Variants in SNTG2 observed in about 807,000 individuals in gnomAD.
The protein encoded by SNTG2 is syntrophin gamma 2.
Under a neutral mutation model 70.9 loss-of-function variants are expected in SNTG2, and 74 were observed. The ratio of observed to expected loss-of-function variants is 1.04; its 90% confidence interval spans 0.86 to 1.27. The LOEUF (loss-of-function observed/expected upper bound fraction) is 1.27. Ranked by LOEUF, SNTG2 falls within the 50% of genes most tolerant of loss-of-function variation. The pLI is 0.00. For synonymous variants in SNTG2, 278 were observed against 273.8 expected, an observed-to-expected ratio of 1.02 and a Z score of -0.15; for missense variants, 717 against 690.7, an observed-to-expected ratio of 1.04 and a Z score of -0.43.
chr2:976,286 G>A (rs577179035), intron 1 of SNTG2, among the ~76,000 whole-genome samples: 1 of 152,246 alleles, frequency 6.6e-6, no homozygotes, highest in African/African-American at 2.4e-5. Context: ...GTGTTTGAGT[G>A]GTATTTTGAG....
chr2:1,092,324 G>A (rs916782109), intron 2 of SNTG2, among the ~76,000 whole-genome samples: 5 of 152,096 alleles, frequency 3.3e-5, no homozygotes. Context: ...ACAAGAGTGA[G>A]GCCAGGCCTG....
chr2:1,316,345 G>T lies in SNTG2; in HGVS notation c.1458G>T (p.Gln486His). The T allele has an allele frequency of 1.3e-6, 2 of 1,548,602 alleles. No homozygotes were observed. Among genetic ancestry groups the T allele is most frequent in the Non-Finnish European group, 1.7e-6 (2 of 1,144,468 alleles). ...DGKTRVKLLF[Q>H]NLDTKQIETK... ...AAACTCGAGTAAAGCTGCTGTTTCA[G>T]AATCTGGACACCAAACAGATTGAGA... is the stretch of plus-strand genomic sequence containing the variant. The change falls in exon 16 of 17, where the codon CAG becomes CAT. Residue 486 changes from glutamine to histidine, a missense_variant. Transcript: ENST00000308624.
At chr2:999,801 TA>T (rs1572207301) in intron 1 of SNTG2, among the ~76,000 whole-genome samples, 1 of 152,012 alleles carries the variant, frequency 6.6e-6, no homozygotes, top group African/African-American at 2.4e-5. Flanking sequence ...CATTGCATTC[TA>T]CTCAACAACT....
At chr2:1,262,169 A>G (rs1678449102) in intron 13 of SNTG2, among the ~76,000 whole-genome samples, 1 of 152,226 alleles carries the variant, frequency 6.6e-6, no homozygotes, top group Admixed American at 6.5e-5. Flanking sequence ...AGAGAGATTC[A>G]GAGATTCAAC....
intron 14 of SNTG2, among the ~76,000 whole-genome samples, chr2:1,296,368 C>T (rs1023157828): frequency 7.9e-5 from 12 of 152,212 alleles, no homozygotes; most frequent in Non-Finnish European, 1.8e-4. Flanking sequence ...TCCCATTTTT[C>T]AGATGACAGA....
intron 12 of SNTG2, among the ~76,000 whole-genome samples, chr2:1,255,011 G>GCCCCTCTTAGCAGAGGGTTT (rs1206284334): frequency 1.4e-4 from 21 of 152,160 alleles, no homozygotes; most frequent in African/African-American, 4.8e-4. Flanking sequence ...CGCTGCATGG[G>GCCCCTCTTAGCAGAGGGTTT]CCCCTCTTAG....
At chr2:1,168,200 G>A (rs1572629347) in intron 7 of SNTG2, among the ~76,000 whole-genome samples, 3 of 124,194 alleles carry the variant, frequency 2.4e-5, no homozygotes, top group Middle Eastern at 4.3e-3. Context: ...GCCCACAGAC[G>A]GCAGAACTGA....
intron 9 of SNTG2, among the ~76,000 whole-genome samples, chr2:1,233,463 G>T (rs975125227): frequency 1.3e-5 from 2 of 152,204 alleles, no homozygotes; most frequent in African/African-American, 4.8e-5. Context: ...CAGGAAGACC[G>T]CAGCGAAGGC....
chr2:1,147,492 A>G (rs768809275), intron 6 of SNTG2, among the ~76,000 whole-genome samples: 1 of 152,240 alleles, frequency 6.6e-6, no homozygotes, highest in Non-Finnish European at 1.5e-5. Flanking sequence ...GCCCTTGAAC[A>G]TCAGACTTCA....
chr2:1,135,678 C>T (rs577686508), intron 4 of SNTG2, among the ~76,000 whole-genome samples: 4 of 152,268 alleles, frequency 2.6e-5, no homozygotes, highest in African/African-American at 7.2e-5. Flanking sequence ...GCCAGGGTCG[C>T]GCCACTGCAC....
At chr2:957,872 C>T (rs1660220715) in intron 1 of SNTG2, among the ~76,000 whole-genome samples, 1 of 152,154 alleles carries the variant, frequency 6.6e-6, no homozygotes, top group African/African-American at 2.4e-5. Flanking sequence ...GATAAATGTG[C>T]ATTGTTTTAA....
intron 11 of SNTG2, among the ~76,000 whole-genome samples, chr2:1,246,905 A>G (rs1009206536): frequency 1.3e-4 from 20 of 152,222 alleles, no homozygotes; most frequent in African/African-American, 4.6e-4. Context: ...ATAAAGAGAA[A>G]CAATTATTTT....
intron 12 of SNTG2, among the ~76,000 whole-genome samples, chr2:1,248,497 C>G (rs1677567666): frequency 6.6e-6 from 1 of 152,222 alleles, no homozygotes; most frequent in Admixed American, 6.5e-5. Flanking sequence ...TTGAAATAAA[C>G]CAGCACTTTG....
chr2:1,302,047 C>T (rs145157570), intron 14 of SNTG2, among the ~76,000 whole-genome samples: 233 of 150,784 alleles, frequency 1.5e-3, no homozygotes, highest in African/African-American at 5.2e-3. Flanking sequence ...CTGCAACCTC[C>T]GCCTCCCAGG....
chr2:1,118,579 C>T (rs1266255428), intron 4 of SNTG2, among the ~76,000 whole-genome samples: 1 of 151,648 alleles, frequency 6.6e-6, no homozygotes, highest in Non-Finnish European at 1.5e-5. Flanking sequence ...AGGAACCAGA[C>T]AGAAATCTCA....
intron 16 of SNTG2, among the ~76,000 whole-genome samples, chr2:1,361,447 A>G (rs185035379): frequency 4.6e-5 from 7 of 152,372 alleles, no homozygotes; most frequent in African/African-American, 1.7e-4. Context: ...AAGTTCCACA[A>G]TAGCAAAAGT....
chr2:1,209,263 G>A (rs1187948876), intron 9 of SNTG2, 33 bp downstream of exon 9: 1 of 1,613,132 alleles, frequency 6.2e-7, no homozygotes, highest in African/African-American at 1.3e-5. Flanking sequence ...GGGAAACTTT[G>A]ATGAACCCCG....
At chr2:1,121,954 G>C (rs28866610) in intron 4 of SNTG2, among the ~76,000 whole-genome samples, 71,487 of 151,900 alleles carry the variant, frequency 0.47, 17,766 homozygotes, top group East Asian at 0.66. Flanking sequence ...GAAATGAAAG[G>C]ATCATAAGGG....
intron 1 of SNTG2, among the ~76,000 whole-genome samples, chr2:1,064,744 A>C (rs1663043951): frequency 6.6e-6 from 1 of 152,186 alleles, no homozygotes; most frequent in African/African-American, 2.4e-5. Context: ...CATTCAAAGA[A>C]GACAGAAAAG....
Sources: allele counts gnomAD v4.1 joint callset (sites outside exome capture counted in the v4.1 genomes callset), GRCh38; gene constraint gnomAD v4.1.1; transcripts MANE v1.5; gene names NCBI Gene and HGNC (gene_info 2026-07-23, HGNC 2026-07-21).